Variants in CHM observed in about 807,000 individuals in gnomAD.
The protein encoded by CHM is rab proteins geranylgeranyltransferase component A 1.
CHM carries 10 observed loss-of-function variants against 49.0 expected under a neutral mutation model. The ratio of observed to expected loss-of-function variants is 0.20; its 90% CI spans 0.13 to 0.35. The LOEUF (loss-of-function observed/expected upper bound fraction) is 0.35, where lower values mean the gene tolerates loss of function less well. Among genes scored for constraint, CHM ranks in the 10% least tolerant of loss-of-function variants. CHM has a pLI of 1.00. For missense variants in CHM, 455 were observed against 478.4 expected (o/e 0.95, Z 0.46); for synonymous variants, 184 against 167.5 (o/e 1.10, Z -0.76).
intron 2 of CHM, among the ~76,000 whole-genome samples, chrX:86,000,604 A>C (rs28587899): frequency 0.17 from 19,055 of 109,638 alleles, 1,577 homozygotes; most frequent in Non-Finnish European, 0.25. Flanking sequence ...ACTTTAATGT[A>C]CATTAATGGT....
At position 85,933,772 on chromosome X, in the gene CHM, T is replaced by C. The variant is rs766975561; in HGVS notation, c.1166+22381A>G. Among the ~76,000 whole-genome samples the C allele has an allele frequency of 4.5e-5, 5 of 112,049 alleles. No individual in the cohort carries two copies. In the South Asian group the frequency reaches 1.8e-3, roughly 41 times the overall value. On this transcript the variant is annotated intron_variant, in intron 8 of 14. Transcript: ENST00000357749. ...GAAAAACAGCCACACAGAATCATTT[T>C]TCTTTTAAAAACTGCAGATGGAAAA...
chrX:85,866,294 C>T (rs747760545), intron 14 of CHM, among the ~76,000 whole-genome samples: 5 of 112,810 alleles, frequency 4.4e-5, no homozygotes, highest in African/African-American at 1.6e-4. Flanking sequence ...TGGGCTGTTG[C>T]TTCAGAGGGT....
chrX:86,017,917 C>A (rs1335376885), intron 2 of CHM, among the ~76,000 whole-genome samples: 1 of 111,753 alleles, frequency 8.9e-6, no homozygotes, highest in Non-Finnish European at 1.9e-5. Flanking sequence ...TTTTAATATA[C>A]TCTTCAATTA....
At chrX:85,874,192 T>G (rs193170285) in intron 13 of CHM, among the ~76,000 whole-genome samples, 1 of 112,028 alleles carries the variant, frequency 8.9e-6, no homozygotes, top group African/African-American at 3.2e-5. Flanking sequence ...CTAATCTCAA[T>G]GCATAAAGCC....
chrX:86,009,610 T>A (rs1194633036), intron 2 of CHM, among the ~76,000 whole-genome samples: 2 of 112,698 alleles, frequency 1.8e-5, no homozygotes, highest in African/African-American at 6.5e-5. Context: ...ATCCATGTTT[T>A]AAATAATATT....
At chrX:85,942,050 T>C (rs1359781540) in intron 8 of CHM, among the ~76,000 whole-genome samples, 1 of 111,583 alleles carries the variant, frequency 9.0e-6, no homozygotes, top group Non-Finnish European at 1.9e-5. Context: ...TTAAATAATT[T>C]GCCCAATGAT....
intron 1 of CHM, among the ~76,000 whole-genome samples, chrX:86,043,902 A>T (rs993353387): frequency 2.7e-5 from 3 of 110,494 alleles, no homozygotes; most frequent in Admixed American, 9.7e-5. Flanking sequence ...TAACAATAAA[A>T]CTCTTAAATC....
rs73506409 is a variant in CHM at position 85,908,177 on chromosome X, A to T, written c.1244+3084T>A. On this transcript the variant is annotated intron_variant, in intron 9 of 14. Transcript: ENST00000357749. ...TGAGTACCCTAATTATACTTAGAAC[A>T]TAACAATTGTTTAAGCCAGCCTTGA... is the stretch of plus-strand genomic sequence containing the variant. 3.8e-3 allele frequency among the ~76,000 whole-genome samples: 429 copies of T among 112,507 alleles called. 4 individuals are homozygous for T. The highest frequency in any genetic ancestry group is 0.013 in the African/African-American group (405 of 31,023).
intron 2 of CHM, among the ~76,000 whole-genome samples, chrX:86,024,562 G>A (rs1159656923): frequency 8.9e-6 from 1 of 112,159 alleles, no homozygotes; most frequent in Non-Finnish European, 1.9e-5. Flanking sequence ...AAATAAACTA[G>A]AGAGCTGGAG....
intron 8 of CHM, among the ~76,000 whole-genome samples, chrX:85,938,609 A>AT (rs1928923785): frequency 9.3e-6 from 1 of 107,349 alleles, no homozygotes; most frequent in African/African-American, 3.4e-5. Flanking sequence ...AGACACTAAT[A>AT]GAGACACTAT....
chrX:85,980,002 G>A (rs1931505778), intron 3 of CHM, among the ~76,000 whole-genome samples: 1 of 111,578 alleles, frequency 9.0e-6, no homozygotes, highest in Non-Finnish European at 1.9e-5. Context: ...ACCAGGGAAA[G>A]GGAATGGAGA....
chrX:85,869,858 T>A lies in CHM; in HGVS notation c.1770+3194A>T, dbSNP rs138898247. 7.4e-3 allele frequency among the ~76,000 whole-genome samples: 838 copies of A among 112,485 alleles called. 5 individuals carry two copies. The highest frequency in any genetic ancestry group is 0.024 in the African/African-American group (757 of 31,014). ...TGGTTAAAACATTGGAAAGGGCTAA[T>A]TATATTGTGACTTGGTGTGCTCACA... On this transcript the variant is annotated intron_variant, in intron 14 of 14. Transcript: ENST00000357749.
intron 2 of CHM, among the ~76,000 whole-genome samples, chrX:86,014,256 A>C (rs1206136626): frequency 8.9e-6 from 1 of 112,158 alleles, no homozygotes; most frequent in Non-Finnish European, 1.9e-5. Context: ...TAAAAAAACT[A>C]TATCGGCACT....
chrX:85,863,295 G>A lies in CHM; in HGVS notation c.*1335C>T, dbSNP rs1265296336. ...TTTAGTAGAGACAGGGTTTCGCCATGTTGGCCAGGCTGGTCTCGAACTCCT... is the reference window on the plus strand; with the variant it reads ...TTTAGTAGAGACAGGGTTTCGCCATATTGGCCAGGCTGGTCTCGAACTCCT... On this transcript the variant is annotated 3_prime_UTR_variant, in exon 15 of 15. Coordinates refer to ENST00000357749, the MANE Select transcript of CHM (RefSeq NM_000390.4). 4.5e-5 allele frequency: 5 copies of A among 111,412 alleles called. No individual in the cohort carries two copies. The highest frequency in any genetic ancestry group is 1.6e-4 in the African/African-American group (5 of 30,599). The allele number at this position is 111,412 out of a possible 1,213,427, so 9.2% of individuals were successfully genotyped here. A position where few individuals can be genotyped will look rare whatever the true frequency, so the allele number is the denominator to read the frequency against.
At position 85,945,360 on chromosome X, in the gene CHM, A is replaced by G. The variant is rs111615347; in HGVS notation, c.1166+10793T>C. 9.1e-3 allele frequency among the ~76,000 whole-genome samples: 987 copies of G among 108,290 alleles called. 13 individuals are homozygous for G. The highest frequency in any genetic ancestry group is 0.031 in the African/African-American group (932 of 29,656). 94.0% of individuals were successfully genotyped at this position (108,290 alleles called of 115,157 possible). A position where few individuals can be genotyped will look rare whatever the true frequency, so the allele number is the denominator to read the frequency against. On this transcript the variant is annotated intron_variant, in intron 8 of 14. Transcript: ENST00000357749. ...GATTTCTCATGAATGGTTTAGCATC[A>G]TCCTCTTGGTGCTGTTCTCACTATA...
intron 8 of CHM, among the ~76,000 whole-genome samples, chrX:85,945,649 T>C (rs1022558426): frequency 1.8e-5 from 2 of 108,646 alleles, no homozygotes; most frequent in African/African-American, 6.7e-5. Flanking sequence ...TATTTCTTTA[T>C]ACGAGTGCAA....
At chrX:85,885,093 A>G (rs1925005422) in intron 12 of CHM, among the ~76,000 whole-genome samples, 1 of 110,906 alleles carries the variant, frequency 9.0e-6, no homozygotes, top group Admixed American at 9.7e-5. Flanking sequence ...GTGCTGATTT[A>G]AGAATGGACG....
intron 8 of CHM, among the ~76,000 whole-genome samples, chrX:85,954,520 A>G (rs1410854998): frequency 8.9e-6 from 1 of 112,011 alleles, no homozygotes; most frequent in Non-Finnish European, 1.9e-5. Context: ...TTTGGAAGCA[A>G]CCTAAGTGCC....
At chrX:85,960,876 TTA>T (rs1930260975) in intron 5 of CHM, among the ~76,000 whole-genome samples, 1 of 111,952 alleles carries the variant, frequency 8.9e-6, no homozygotes, top group South Asian at 3.7e-4. Context: ...GAGTATGGAC[TTA>T]CTTAGAAATG....
Sources: allele counts gnomAD v4.1 joint callset (sites outside exome capture counted in the v4.1 genomes callset), GRCh38; gene constraint gnomAD v4.1.1; transcripts MANE v1.5; gene names NCBI Gene and HGNC (gene_info 2026-07-23, HGNC 2026-07-21).